Variants in ADAMTS6 observed in about 807,000 individuals in gnomAD.
ADAMTS6 encodes the protein A disintegrin and metalloproteinase with thrombospondin motifs 6.
In ADAMTS6, 23 loss-of-function variants were observed where a neutral mutation model predicts 144.3. That is an observed-to-expected ratio of 0.16 (90% CI 0.11 to 0.23). The LOEUF is 0.23. Ranked by LOEUF, ADAMTS6 falls within the 10% of genes least tolerant of loss-of-function variation. The pLI is 1.00. For missense variants in ADAMTS6, 999 were observed against 1,379.6 expected (o/e 0.72, Z 4.37); for synonymous variants, 444 against 457.5 (o/e 0.97, Z 0.38).
chr5:65,384,440 T>C (rs9291836), intron 7 of ADAMTS6, among the ~76,000 whole-genome samples: 84,977 of 152,066 alleles, frequency 0.56, 24,794 homozygotes, highest in African/African-American at 0.73. Context: ...GTTCCATCTT[T>C]CACAAAGCAG....
chr5:65,386,243 T>C (rs57500385), intron 7 of ADAMTS6, among the ~76,000 whole-genome samples: 16,533 of 152,224 alleles, frequency 0.11, 1,024 homozygotes, highest in Middle Eastern at 0.14. Context: ...AAAATGTTCC[T>C]TTTTAAAGTT....
At position 65,451,544 on chromosome 5, in the gene ADAMTS6, T is replaced by C. The variant is rs1176296404; in HGVS notation, c.1004A>G (p.His335Arg). The change falls in exon 7 of 25, where the codon CAC becomes CGC. Residue 335 changes from histidine (H) to arginine (R), a missense_variant. Coordinates refer to ENST00000381055, the MANE Select transcript of ADAMTS6 (RefSeq NM_197941.4). ...FCKWQKSILSHQSDGNTIPEN... is the reference protein window; with the variant it reads ...FCKWQKSILSRQSDGNTIPEN... ...TGGAATGGTGTTTCCATCACTTTGG[T>C]GGGAGAGAATGGATTTCTGCCATTT... The C allele has an allele frequency of 6.2e-7, 1 of 1,613,646 alleles. No individual in the cohort carries two copies. The highest frequency in any genetic ancestry group is 8.5e-7 in the Non-Finnish European group (1 of 1,179,802).
At chr5:65,378,338 C>A (rs541604910) in intron 7 of ADAMTS6, among the ~76,000 whole-genome samples, 6 of 152,246 alleles carry the variant, frequency 3.9e-5, no homozygotes, top group African/African-American at 1.4e-4. Context: ...TATCTTCTCC[C>A]AATATCCAAT....
At chr5:65,257,159 G>C (rs1371412590) in intron 14 of ADAMTS6, among the ~76,000 whole-genome samples, 1 of 151,564 alleles carries the variant, frequency 6.6e-6, no homozygotes, top group Non-Finnish European at 1.5e-5. Flanking sequence ...TTGATAGCCT[G>C]TTCACAGTAT....
intron 7 of ADAMTS6, among the ~76,000 whole-genome samples, chr5:65,335,463 A>G (rs934638418): frequency 2.0e-5 from 3 of 152,168 alleles, no homozygotes; most frequent in Non-Finnish European, 4.4e-5. Flanking sequence ...TGTTATGCCT[A>G]TTGTTACATA....
intron 9 of ADAMTS6, among the ~76,000 whole-genome samples, chr5:65,322,803 T>C (rs575943998): frequency 1.1e-4 from 16 of 152,276 alleles, no homozygotes; most frequent in South Asian, 8.3e-4. Flanking sequence ...GTTTTCTAGA[T>C]ATAGGATCAT....
At chr5:65,199,736 C>G (rs1407873155) in intron 20 of ADAMTS6, among the ~76,000 whole-genome samples, 1 of 152,098 alleles carries the variant, frequency 6.6e-6, no homozygotes, top group Non-Finnish European at 1.5e-5. Flanking sequence ...TTTACTCATT[C>G]ATTCATTCAT....
intron 18 of ADAMTS6, among the ~76,000 whole-genome samples, chr5:65,222,960 C>T (rs1041242166): frequency 1.3e-5 from 2 of 151,212 alleles, no homozygotes; most frequent in African/African-American, 4.9e-5. Context: ...AGACTTATAT[C>T]CAGAATATAT....
chr5:65,194,381 C>T (rs146559371), intron 21 of ADAMTS6, among the ~76,000 whole-genome samples: 32 of 152,266 alleles, frequency 2.1e-4, no homozygotes, highest in African/African-American at 6.5e-4. Context: ...CTATCATGAG[C>T]GTAAATGACC....
At chr5:65,289,017 T>A (rs1405451595) in intron 11 of ADAMTS6, among the ~76,000 whole-genome samples, 3 of 152,228 alleles carry the variant, frequency 2.0e-5, no homozygotes, top group Admixed American at 6.5e-5. Context: ...TATGACTCAA[T>A]ACACTTTGTT....
chr5:65,196,591 C>T (rs954543403), intron 21 of ADAMTS6, among the ~76,000 whole-genome samples: 1 of 110,814 alleles, frequency 9.0e-6, no homozygotes, highest in Admixed American at 9.9e-5. Context: ...GTAGAAAAGA[C>T]AGGAGTGTAA....
At chr5:65,172,808 G>C (rs1483557003) in intron 23 of ADAMTS6, 24 bp downstream of exon 23, 1 of 1,605,146 alleles carries the variant, frequency 6.2e-7, no homozygotes, top group African/African-American at 1.3e-5. Context: ...ATTTCAGCAG[G>C]AGCCCACAGT....
At position 65,226,133 on chromosome 5, in the gene ADAMTS6, G is replaced by C. The variant is rs955886077; in HGVS notation, c.2020C>G (p.Gln674Glu). 3 of 1,613,582 alleles carry C rather than the reference G, an allele frequency of 1.9e-6. No individual in the cohort carries two copies. Among genetic ancestry groups the C allele is most frequent in the African/African-American group, 1.3e-5 (1 of 74,890 alleles). The change falls in exon 16 of 25, where the codon CAG becomes GAG. Residue 674 changes from glutamine to glutamate, a missense_variant. Coordinates refer to ENST00000381055, the MANE Select transcript of ADAMTS6 (RefSeq NM_197941.4). ...ERAPAVIDGT[Q>E]CNADSLDICI... ...ATATCCAGTGAATCCGCATTGCACTGGGTCCCATCGATCACCGCAGGAGCA... is the reference window on the plus strand; with the variant it reads ...ATATCCAGTGAATCCGCATTGCACTCGGTCCCATCGATCACCGCAGGAGCA...
intron 7 of ADAMTS6, among the ~76,000 whole-genome samples, chr5:65,379,976 G>A (rs1751896549): frequency 6.6e-6 from 1 of 151,884 alleles, no homozygotes; most frequent in Non-Finnish European, 1.5e-5. Context: ...TTAACAGTGT[G>A]CTGGAGTCAG....
chr5:65,259,108 G>C (rs1760938144), intron 14 of ADAMTS6, among the ~76,000 whole-genome samples: 1 of 152,030 alleles, frequency 6.6e-6, no homozygotes, highest in Admixed American at 6.6e-5. Context: ...TGTAATCCCA[G>C]CACTTTGGGA....
At chr5:65,340,430 G>A (rs1426225736) in intron 7 of ADAMTS6, among the ~76,000 whole-genome samples, 2 of 151,868 alleles carry the variant, frequency 1.3e-5, no homozygotes, top group African/African-American at 2.4e-5. Flanking sequence ...AAAACATGTA[G>A]AATTATAAAA....
At chr5:65,404,291 C>T (rs538927968) in intron 7 of ADAMTS6, among the ~76,000 whole-genome samples, 22 of 152,218 alleles carry the variant, frequency 1.4e-4, no homozygotes, top group Admixed American at 5.2e-4. Flanking sequence ...GTTATCCCTG[C>T]TCCCTGCCCC....
intron 21 of ADAMTS6, among the ~76,000 whole-genome samples, chr5:65,192,144 A>G (rs1462713465): frequency 6.6e-6 from 1 of 152,112 alleles, no homozygotes; most frequent in Non-Finnish European, 1.5e-5. Context: ...TAAACATTAT[A>G]CCTTAAAATA....
At chr5:65,185,291 C>A (rs1327941395) in intron 22 of ADAMTS6, among the ~76,000 whole-genome samples, 1 of 152,086 alleles carries the variant, frequency 6.6e-6, no homozygotes, top group South Asian at 2.1e-4. Flanking sequence ...GTAATGGAAG[C>A]GTGAGAGTAA....
Sources: allele counts gnomAD v4.1 joint callset (sites outside exome capture counted in the v4.1 genomes callset), GRCh38; gene constraint gnomAD v4.1.1; transcripts MANE v1.5; gene names NCBI Gene and HGNC (gene_info 2026-07-23, HGNC 2026-07-21).